Variants in CIB4 observed in about 807,000 individuals in gnomAD.
CIB4 encodes the protein calcium and integrin-binding family member 4.
CIB4 carries 25 observed loss-of-function variants against 25.8 expected under a neutral mutation model. The observed-to-expected ratio is 0.97, with a 90% CI of 0.71 to 1.35. The LOEUF (loss-of-function observed/expected upper bound fraction) is 1.35, where lower values mean the gene tolerates loss of function less well. Ranked by LOEUF, CIB4 falls within the 40% of genes most tolerant of loss-of-function variation. The pLI, the probability that CIB4 is intolerant of heterozygous loss-of-function variation, is 0.00. For synonymous variants in CIB4, 75 were observed against 81.4 expected (o/e 0.92, Z 0.42); for missense variants, 235 against 228.2 (o/e 1.03, Z -0.19).
chr2:26,603,448 C>T (rs897199334), intron 3 of CIB4, among the ~76,000 whole-genome samples: 2 of 152,024 alleles, frequency 1.3e-5, no homozygotes, highest in East Asian at 1.9e-4. Flanking sequence ...TCCTGTATAC[C>T]TTTCACCCAG....
chr2:26,600,233 G>A (rs1427104094), intron 3 of CIB4, among the ~76,000 whole-genome samples: 1 of 146,450 alleles, frequency 6.8e-6, no homozygotes, highest in Non-Finnish European at 1.5e-5. Flanking sequence ...GGCGAAACCC[G>A]TCTCTACTAA....
chr2:26,630,661 G>C (rs572156175), intron 2 of CIB4, among the ~76,000 whole-genome samples: 2 of 152,200 alleles, frequency 1.3e-5, no homozygotes, highest in South Asian at 4.2e-4. Flanking sequence ...CTGAGGCGTC[G>C]AGCAAGGTTC....
At chr2:26,591,524 T>C (rs1668586361) in intron 4 of CIB4, among the ~76,000 whole-genome samples, 1 of 152,194 alleles carries the variant, frequency 6.6e-6, no homozygotes, top group Non-Finnish European at 1.5e-5. Context: ...GAGTCCTGCC[T>C]CACTTCCACC....
rs1008266457 is a variant in CIB4, at chr2:26,627,330, T to G, written c.186+2080A>C. Among the ~76,000 whole-genome samples, 1 of 152,218 alleles carries G rather than the reference T, an allele frequency of 6.6e-6. No individual in the cohort carries two copies. The highest frequency in any genetic ancestry group is 1.5e-5 in the Non-Finnish European group (1 of 68,030). On this transcript the variant is annotated intron_variant, in intron 3 of 6. Coordinates refer to ENST00000288861, the MANE Select transcript of CIB4 (RefSeq NM_001029881.3). This position sits in a 1 kb window ranked among gnomAD's most constrained non-coding sequence, Gnocchi z 4.0. ...TGTGGCCCCTTGGAAGTTGTTTCCC[T>G]CTTGGGACCTCAGTTTCCCCATTAA... is the stretch of plus-strand genomic sequence containing the variant.
intron 3 of CIB4, among the ~76,000 whole-genome samples, chr2:26,614,008 G>A (rs925708968): frequency 1.3e-5 from 2 of 152,178 alleles, no homozygotes; most frequent in Non-Finnish European, 2.9e-5. Context: ...GCTGCAGGGC[G>A]TCTCCTCCCT....
Position 26,583,769 on chromosome 2 carries a change from T to A in CIB4, c.438+20A>T. 4.6e-6 allele frequency: 7 copies of A among 1,529,666 alleles called. No individual in the cohort carries two copies. Among genetic ancestry groups the A allele is most frequent in the South Asian group, 1.1e-5 (1 of 89,346 alleles). 94.8% of individuals were successfully genotyped at this position (1,529,666 alleles called of 1,614,324 possible). On this transcript the variant is annotated intron_variant, in intron 5 of 6. Transcript: ENST00000288861. ...CCTATCCCCGGCCCCAGCCACCAACTCCCAGCCCCCAGCACACACGTGGTT... is the reference window on the plus strand; with the variant it reads ...CCTATCCCCGGCCCCAGCCACCAACACCCAGCCCCCAGCACACACGTGGTT...
intron 3 of CIB4, among the ~76,000 whole-genome samples, chr2:26,616,009 C>T (rs13394276): frequency 2.6e-5 from 4 of 152,196 alleles, no homozygotes; most frequent in Non-Finnish European, 4.4e-5. Flanking sequence ...CGCTGGGGGG[C>T]GGTGGGGGGT....
chr2:26,589,718 G>A (rs896594124), intron 4 of CIB4, among the ~76,000 whole-genome samples: 2 of 152,204 alleles, frequency 1.3e-5, no homozygotes, highest in Non-Finnish European at 2.9e-5. Context: ...CTTAAAATGT[G>A]TAGCTGGATG....
chr2:26,581,315 T>G lies in CIB4; in HGVS notation c.*48A>C, dbSNP rs1224029116. On this transcript the variant is annotated 3_prime_UTR_variant, in exon 7 of 7. Transcript: ENST00000288861. ...CCCTCCAGTGCTGGAGGGGGTTCGATTCCTGTGGTCTCCCTCGAGGCTGCC... is the reference window on the plus strand; with the variant it reads ...CCCTCCAGTGCTGGAGGGGGTTCGAGTCCTGTGGTCTCCCTCGAGGCTGCC... 1 of 1,561,702 alleles carries G rather than the reference T, an allele frequency of 6.4e-7. No homozygotes were observed. Among genetic ancestry groups the G allele is most frequent in the Non-Finnish European group, 8.8e-7 (1 of 1,132,514 alleles).
intron 3 of CIB4, among the ~76,000 whole-genome samples, chr2:26,622,298 T>G (rs1669218916): frequency 6.6e-6 from 1 of 151,888 alleles, no homozygotes; most frequent in African/African-American, 2.4e-5. Flanking sequence ...GAGACAGAGG[T>G]TGCAGTGAGC....
rs1404299990 is a variant in CIB4 at position 26,588,982 on chromosome 2, TTCTTCTTC to T, written c.329-5092_329-5085del. 1.9e-3 allele frequency among the ~76,000 whole-genome samples: 43 copies of T among 22,606 alleles called. 3 individuals carry two copies. The highest frequency in any genetic ancestry group is 5.3e-3 in the African/African-American group (41 of 7,796). 14.8% of individuals were successfully genotyped at this position (22,606 alleles called of 152,430 possible). ...TGCCGCTGCTGCCGCTTCTTCTTTC[TTCTTCTTC>T]TTCTTCTTCTTCTTCTTCTTCTTCT... On this transcript the variant is annotated intron_variant, in intron 4 of 6. Coordinates refer to ENST00000288861, the MANE Select transcript of CIB4 (RefSeq NM_001029881.3).
At chr2:26,636,401 G>A (rs920791379) in intron 2 of CIB4, among the ~76,000 whole-genome samples, 1 of 151,962 alleles carries the variant, frequency 6.6e-6, no homozygotes, top group Non-Finnish European at 1.5e-5. Context: ...CAAACTTTCT[G>A]CAGAAATAAG....
At chr2:26,601,671 T>C (rs1668794318) in intron 3 of CIB4, among the ~76,000 whole-genome samples, 1 of 152,004 alleles carries the variant, frequency 6.6e-6, no homozygotes, top group Admixed American at 6.5e-5. Flanking sequence ...AATTGGAGTA[T>C]ATTAAAAATT....
intron 3 of CIB4, among the ~76,000 whole-genome samples, chr2:26,602,969 C>G (rs1336146467): frequency 1.3e-5 from 2 of 150,042 alleles, no homozygotes; most frequent in African/African-American, 4.9e-5. Flanking sequence ...AGGGGAAGAT[C>G]ACTTGAGCCC....
intron 4 of CIB4, among the ~76,000 whole-genome samples, chr2:26,593,846 C>T (rs182349122): frequency 9.7e-4 from 147 of 152,280 alleles, no homozygotes; most frequent in Admixed American, 2.2e-3. Context: ...AGTTTGCCCT[C>T]GTGTATGTGG....
At chr2:26,615,373 G>A (rs1015870770) in intron 3 of CIB4, among the ~76,000 whole-genome samples, 11 of 152,088 alleles carry the variant, frequency 7.2e-5, no homozygotes, top group African/African-American at 2.7e-4. Context: ...TAGGCTGCAG[G>A]GTACAGAATC....
rs573450654 is a variant in CIB4, at chr2:26,588,954, T to G, written c.329-5056A>C. Among the ~76,000 whole-genome samples the G allele has an allele frequency of 5.7e-4, 86 of 151,438 alleles. 5 individuals carry two copies. Among genetic ancestry groups the G allele is most frequent in the African/African-American group, 1.9e-3 (78 of 41,192 alleles). On this transcript the variant is annotated intron_variant, in intron 4 of 6. Transcript: ENST00000288861. ...GGGAGGTGTGGCTGTCCCTGCTGGC[T>G]GCTGCCGCTGCTGCCGCTTCTTCTT...
At chr2:26,632,573 A>G (rs1241494200) in intron 2 of CIB4, among the ~76,000 whole-genome samples, 1 of 152,078 alleles carries the variant, frequency 6.6e-6, no homozygotes, top group Non-Finnish European at 1.5e-5. Flanking sequence ...CCTGGCCAAC[A>G]TGGTGAAACA....
intron 3 of CIB4, among the ~76,000 whole-genome samples, chr2:26,611,303 C>T (rs1668991133): frequency 1.3e-5 from 2 of 152,142 alleles, no homozygotes; most frequent in African/African-American, 2.4e-5. Flanking sequence ...TAATACTGTC[C>T]GTGGGAGGAT....
Sources: allele counts gnomAD v4.1 joint callset (sites outside exome capture counted in the v4.1 genomes callset), GRCh38; gene constraint gnomAD v4.1.1; non-coding constraint Gnocchi (gnomAD v3.1); transcripts MANE v1.5; gene names NCBI Gene and HGNC (gene_info 2026-07-23, HGNC 2026-07-21).